PDZRN3: variants seen among roughly 807,000 people sequenced by gnomAD.
PDZRN3 encodes the protein E3 ubiquitin-protein ligase PDZRN3.
Under a neutral mutation model 85.7 loss-of-function variants are expected in PDZRN3, and 38 were observed. The ratio of observed to expected loss-of-function variants is 0.44; its 90% CI spans 0.34 to 0.58. PDZRN3 has a LOEUF of 0.58. Among genes scored for constraint, PDZRN3 ranks in the 20% least tolerant of loss-of-function variants. The probability of loss-of-function intolerance (pLI) is 0.01; values close to 1 mark genes in which losing one functional copy is unlikely to be tolerated. For synonymous variants in PDZRN3, 759 were observed against 638.0 expected, an observed-to-expected ratio of 1.19 and a Z score of -2.86; for missense variants, 1,629 against 1,506.4, an observed-to-expected ratio of 1.08 and a Z score of -1.35.
intron 3 of PDZRN3, chr3:73,408,300 T>C (rs768140690): frequency 4.4e-6 from 3 of 688,142 alleles, no homozygotes; most frequent in Admixed American, 2.1e-5. Flanking sequence ...TAGGGTAATA[T>C]AAAGTTTAGA....
At position 73,536,567 on chromosome 3, in the gene PDZRN3, T is replaced by G. The variant is rs564517515; in HGVS notation, c.918+65787A>C. Among the ~76,000 whole-genome samples the G allele has an allele frequency of 3.9e-5, 6 of 152,342 alleles. No individual in the cohort carries two copies. The East Asian group carries it at 1.2e-3, about 29-fold the overall frequency. Reference sequence around the variant, plus strand: ...GAAACCTCTGCCCCTTCCCAAAGATTTCCAGCTGCTTCTAATCTGGAGCAT... The same window carrying G: ...GAAACCTCTGCCCCTTCCCAAAGATGTCCAGCTGCTTCTAATCTGGAGCAT... On this transcript the variant is annotated intron_variant, in intron 3 of 9. Coordinates refer to ENST00000263666, the MANE Select transcript of PDZRN3 (RefSeq NM_015009.3).
intron 2 of PDZRN3, among the ~76,000 whole-genome samples, chr3:73,603,318 C>A (rs78065198): frequency 0.011 from 1,698 of 152,318 alleles, 15 homozygotes; most frequent in Non-Finnish European, 0.018. Flanking sequence ...CTAAAACTTT[C>A]TGGGAACGAA....
At chr3:73,515,245 G>A (rs997080916) in intron 3 of PDZRN3, among the ~76,000 whole-genome samples, 6 of 148,334 alleles carry the variant, frequency 4.0e-5, no homozygotes, top group Admixed American at 1.4e-4. Flanking sequence ...GCGCGATCTC[G>A]GCTCACTGCA....
At chr3:73,571,919 A>C (rs919168624) in intron 3 of PDZRN3, among the ~76,000 whole-genome samples, 56 of 152,220 alleles carry the variant, frequency 3.7e-4, no homozygotes, top group African/African-American at 1.3e-3. Context: ...AGGGTAAAGA[A>C]TGGAACATGG....
chr3:73,434,094 A>T lies in PDZRN3; in HGVS notation c.919-29699T>A, dbSNP rs1402837708. ...AACAGACAATGATACAGAAGCTATA[A>T]TTGCCAACTATGACAGTTGAAATTT... On this transcript the variant is annotated intron_variant, in intron 3 of 9. Coordinates refer to ENST00000263666, the MANE Select transcript of PDZRN3 (RefSeq NM_015009.3). 8 of 311,506 alleles carry T rather than the reference A, an allele frequency of 2.6e-5. No individual in the cohort carries two copies. The Admixed American group carries it at 5.2e-4, about 20-fold the overall frequency. 19.3% of individuals were successfully genotyped at this position (311,506 alleles called of 1,614,324 possible). A position where few individuals can be genotyped will look rare whatever the true frequency, so the allele number is the denominator to read the frequency against.
intron 3 of PDZRN3, among the ~76,000 whole-genome samples, chr3:73,536,173 G>A (rs1704781102): frequency 6.6e-6 from 1 of 152,190 alleles, no homozygotes; most frequent in Non-Finnish European, 1.5e-5. Context: ...AATAGGTCTT[G>A]GCATCTGCTA....
In PDZRN3 at chr3:73,385,019, G is replaced by A. The variant is rs537101700; in HGVS notation, c.1636-89C>T. 15 of 1,455,442 alleles carry A rather than the reference G, an allele frequency of 1.0e-5. No individual in the cohort carries two copies. The South Asian group carries it at 2.1e-4, about 20-fold the overall frequency. 90.2% of individuals were successfully genotyped at this position (1,455,442 alleles called of 1,614,324 possible). ...GACCTTTCCTTGCGGTTTCTGGATA[G>A]GGCAGGCTGTACATTTCTAAGGCCA... is the stretch of plus-strand genomic sequence containing the variant. On this transcript the variant is annotated intron_variant, in intron 9 of 9. Coordinates refer to ENST00000263666, the MANE Select transcript of PDZRN3 (RefSeq NM_015009.3).
Position 73,493,292 on chromosome 3 carries a change from A to G in PDZRN3, c.919-88897T>C, listed in dbSNP as rs148371897. Among the ~76,000 whole-genome samples, 7 of 152,314 alleles carry G rather than the reference A, an allele frequency of 4.6e-5. No homozygotes were observed. In the East Asian group the frequency reaches 7.7e-4, roughly 17 times the overall value. On this transcript the variant is annotated intron_variant, in intron 3 of 9. Transcript: ENST00000263666. The stretch of plus-strand genomic sequence containing the variant: ...GGGAGGACAGCCATGACATAGTAAG[A>G]AAAGGAGAATTCCCTAGCACCTGAC...
intron 3 of PDZRN3, among the ~76,000 whole-genome samples, chr3:73,438,697 A>C (rs180823914): frequency 6.6e-6 from 1 of 152,318 alleles, no homozygotes; most frequent in Admixed American, 6.5e-5. Flanking sequence ...CAGATTCACT[A>C]ACTTGTCTTC....
At chr3:73,623,587 T>C (rs938687040) in intron 1 of PDZRN3, 2 of 152,100 alleles carry the variant, frequency 1.3e-5, no homozygotes, top group African/African-American at 4.8e-5. Context: ...TCTTCTGATA[T>C]CCTTCTTAAC....
At chr3:73,543,426 T>C (rs1292999633) in intron 3 of PDZRN3, among the ~76,000 whole-genome samples, 9 of 152,172 alleles carry the variant, frequency 5.9e-5, no homozygotes, top group Non-Finnish European at 1.2e-4. Flanking sequence ...CAAAATTGAG[T>C]CTTAACATTG....
rs538682830 is a variant in PDZRN3, at chr3:73,552,988, G to C, written c.918+49366C>G. On this transcript the variant is annotated intron_variant, in intron 3 of 9. Transcript: ENST00000263666. ...ACGGTGGCTGATTCCCTGGTGAGGA[G>C]AGGAGTATCAGGTGACTCTAGTCCA... 1.6e-4 allele frequency among the ~76,000 whole-genome samples: 25 copies of C among 152,288 alleles called. 1 individual carries two copies. In the South Asian group the frequency reaches 5.2e-3, roughly 32 times the overall value.
rs1701531104 is a variant in PDZRN3 at position 73,550,590 on chromosome 3, A to G, written c.918+51764T>C. The stretch of plus-strand genomic sequence containing the variant: ...TGTGCAGCTTCAAGCCAAATCTCAC[A>G]GCAGCAGACATTGCCAATAACTGCA... On this transcript the variant is annotated intron_variant, in intron 3 of 9. Transcript: ENST00000263666. Among the ~76,000 whole-genome samples, 3 of 152,226 alleles carry G rather than the reference A, an allele frequency of 2.0e-5. No individual in the cohort carries two copies. The South Asian group carries it at 6.2e-4, about 31-fold the overall frequency.
At chr3:73,478,353 G>A (rs1189083087) in intron 3 of PDZRN3, among the ~76,000 whole-genome samples, 1 of 152,020 alleles carries the variant, frequency 6.6e-6, no homozygotes, top group African/African-American at 2.4e-5. Flanking sequence ...TTTCATAGGA[G>A]CATGGACTCT....
intron 3 of PDZRN3, among the ~76,000 whole-genome samples, chr3:73,570,921 T>G (rs1559743324): frequency 6.6e-6 from 1 of 152,224 alleles, no homozygotes; most frequent in Non-Finnish European, 1.5e-5. Context: ...CATCTGCTTT[T>G]GCTTGCTCTC....
At chr3:73,493,767 A>G (rs1353894027) in intron 3 of PDZRN3, among the ~76,000 whole-genome samples, 2 of 152,240 alleles carry the variant, frequency 1.3e-5, no homozygotes, top group Non-Finnish European at 2.9e-5. Flanking sequence ...GGGATGGCAC[A>G]TGCCCTAAAC....
chr3:73,580,467 G>T (rs1041473151), intron 3 of PDZRN3, among the ~76,000 whole-genome samples: 1 of 152,196 alleles, frequency 6.6e-6, no homozygotes, highest in Non-Finnish European at 1.5e-5. Context: ...CATCTTCCCT[G>T]CTCTTCTGAA....
chr3:73,594,002 C>T (rs2106884112), intron 3 of PDZRN3: 1 of 152,234 alleles, frequency 6.6e-6, no homozygotes, highest in Admixed American at 6.5e-5. Context: ...TTGTAGCACT[C>T]CATACTGTCC....
Position 73,383,815 on chromosome 3 carries a change from C to G in PDZRN3, c.2751G>C (p.Pro917=). 6 of 1,613,560 alleles carry G rather than the reference C, an allele frequency of 3.7e-6. No homozygotes were observed. The highest frequency in any genetic ancestry group is 5.1e-6 in the Non-Finnish European group (6 of 1,179,798). ...GGATCTTCACCTTCCACTCCATGCG[C>G]GGCTCCGACGGGGTGGGAGAGCTCA... ...KDLSSPTPSE[P]RMEWKVKIRS... Residue 917 remains proline, a synonymous_variant, in exon 10 of 10, where the codon CCG becomes CCC. Coordinates refer to ENST00000263666, the MANE Select transcript of PDZRN3 (RefSeq NM_015009.3).
Sources: allele counts gnomAD v4.1 joint callset (sites outside exome capture counted in the v4.1 genomes callset), GRCh38; gene constraint gnomAD v4.1.1; transcripts MANE v1.5; gene names NCBI Gene and HGNC (gene_info 2026-07-23, HGNC 2026-07-21).